USH2A: variants seen among roughly 807,000 people sequenced by gnomAD.
USH2A encodes the protein usherin, also known as Usher syndrome 2A (autosomal recessive, mild).
A neutral mutation model predicts 538.9 loss-of-function variants in USH2A; 443 were observed. The ratio of observed to expected loss-of-function variants is 0.82; its 90% CI spans 0.76 to 0.89. USH2A has a LOEUF of 0.89. Ranked by LOEUF, USH2A falls within the 40% of genes least tolerant of loss-of-function variation. The probability of loss-of-function intolerance (pLI) is 0.00; values close to 1 mark genes in which losing one functional copy is unlikely to be tolerated. For missense variants in USH2A, 6,633 were observed against 6,324.8 expected, an observed-to-expected ratio of 1.05 and a Z score of -1.65; for synonymous variants, 2,413 against 2,273.5, an observed-to-expected ratio of 1.06 and a Z score of -1.75.
In USH2A at chr1:215,728,196, T is replaced by C; in HGVS notation, c.11900A>G (p.Asp3967Gly). The C allele has an allele frequency of 6.2e-7, 1 of 1,613,954 alleles. No individual in the cohort carries two copies. The highest frequency in any genetic ancestry group is 8.5e-7 in the Non-Finnish European group (1 of 1,180,002). Reference protein sequence around the residue: ...LTQTLEAPPQDFPAPWAQATS... With the variant: ...LTQTLEAPPQGFPAPWAQATS... ...GGCTTGAGCCCAAGGAGCTGGAAAA[T>C]CTTGAGGTGGAGCTTCCAGAGTTTG... The change falls in exon 61 of 72, where the codon GAT becomes GGT. Residue 3967 changes from aspartate (D) to glycine (G), a missense_variant. Coordinates refer to ENST00000307340, the MANE Select transcript of USH2A (RefSeq NM_206933.4).
rs1324165246 is a variant in USH2A at position 216,392,843 on chromosome 1, A to T, written c.651+25671T>A. On this transcript the variant is annotated intron_variant, in intron 3 of 71. Transcript: ENST00000307340. ...ATTTTCTAAATATTTGAAAATGTTG[A>T]TTCAAAACCTTTTACGATTTTTTAA... 2.0e-5 allele frequency among the ~76,000 whole-genome samples: 3 copies of T among 152,288 alleles called. No homozygotes were observed. The East Asian group carries it at 5.8e-4, about 29-fold the overall frequency.
At chr1:216,233,942 G>C (rs1377483309) in intron 13 of USH2A, among the ~76,000 whole-genome samples, 3 of 152,094 alleles carry the variant, frequency 2.0e-5, no homozygotes, top group African/African-American at 7.2e-5. Flanking sequence ...GCAAAATGCT[G>C]CAAAGAATTT....
At chr1:216,141,280 G>C (rs560691045) in intron 21 of USH2A, among the ~76,000 whole-genome samples, 1 of 152,296 alleles carries the variant, frequency 6.6e-6, no homozygotes, top group East Asian at 1.9e-4. Context: ...TGCACAGGGG[G>C]CCATTAAGCT....
intron 4 of USH2A, among the ~76,000 whole-genome samples, chr1:216,329,091 A>G (rs2037795972): frequency 6.6e-6 from 1 of 151,914 alleles, no homozygotes. Flanking sequence ...GAGTTTCTCT[A>G]CTCTATCTAT....
chr1:215,888,636 G>T lies in USH2A; in HGVS notation c.8013C>A (p.Thr2671=). 1 of 1,614,138 alleles carries T rather than the reference G, an allele frequency of 6.2e-7. No individual in the cohort carries two copies. Among genetic ancestry groups the T allele is most frequent in the Non-Finnish European group, 8.5e-7 (1 of 1,180,004 alleles). Residue 2671 remains threonine (T), a synonymous_variant, in exon 41 of 72, where the codon ACC becomes ACA. Coordinates refer to ENST00000307340, the MANE Select transcript of USH2A (RefSeq NM_206933.4). ...RRVKGKEEVT[T]LVTLPRSHSM... Reference sequence around the variant, plus strand: ...AATGACTCCTCGGGAGAGTCACCAGGGTAGTAACTTCTTCCTTTCCTTTGA... The same window carrying T: ...AATGACTCCTCGGGAGAGTCACCAGTGTAGTAACTTCTTCCTTTCCTTTGA...
At chr1:216,007,986 C>T (rs1571883555) in intron 32 of USH2A, among the ~76,000 whole-genome samples, 1 of 152,182 alleles carries the variant, frequency 6.6e-6, no homozygotes, top group Non-Finnish European at 1.5e-5. Flanking sequence ...TCAACCAGCA[C>T]CTCACCTATG....
chr1:215,986,314 T>C (rs958509218), intron 35 of USH2A, among the ~76,000 whole-genome samples: 2 of 102,454 alleles, frequency 2.0e-5, no homozygotes, highest in African/African-American at 9.9e-5. Flanking sequence ...CTTTTTCTTT[T>C]TTTTTTTTTT....
intron 21 of USH2A, among the ~76,000 whole-genome samples, chr1:216,173,072 G>C (rs958266098): frequency 2.2e-4 from 34 of 152,154 alleles, no homozygotes; most frequent in African/African-American, 7.5e-4. Context: ...TAGGGTTGCA[G>C]AGGGATTAAA....
At chr1:216,336,978 G>A (rs1012176127) in intron 4 of USH2A, among the ~76,000 whole-genome samples, 2 of 151,368 alleles carry the variant, frequency 1.3e-5, no homozygotes, top group Non-Finnish European at 3.0e-5. Context: ...ATTTCCTTAG[G>A]AACAAGGTAG....
chr1:215,627,682 C>T (rs917671624), intron 71 of USH2A, among the ~76,000 whole-genome samples: 6 of 152,106 alleles, frequency 3.9e-5, no homozygotes, highest in Admixed American at 1.3e-4. Flanking sequence ...CGCACCACCG[C>T]GCCCAGCTAA....
At chr1:216,198,672 G>T in intron 17 of USH2A, 88 bp from the exon 18 acceptor site, 1 of 1,186,778 alleles carries the variant, frequency 8.4e-7, no homozygotes, top group Non-Finnish European at 1.2e-6. Flanking sequence ...GTTAAAGAGT[G>T]CTGGATATTC....
At chr1:215,761,076 A>C (rs1172224114) in intron 56 of USH2A, among the ~76,000 whole-genome samples, 2 of 152,198 alleles carry the variant, frequency 1.3e-5, no homozygotes, top group Non-Finnish European at 2.9e-5. Flanking sequence ...AGCTGTGGCC[A>C]TACCAGATTC....
intron 38 of USH2A, among the ~76,000 whole-genome samples, chr1:215,925,647 T>C (rs1018528674): frequency 3.9e-5 from 6 of 152,164 alleles, no homozygotes; most frequent in African/African-American, 1.2e-4. Flanking sequence ...TTCTACCCTC[T>C]GAATAAGGGA....
intron 20 of USH2A, among the ~76,000 whole-genome samples, chr1:216,189,207 A>G (rs888073757): frequency 6.6e-6 from 1 of 151,940 alleles, no homozygotes; most frequent in Non-Finnish European, 1.5e-5. Context: ...ATTAATGAAA[A>G]TTTTGAAAAA....
chr1:216,129,849 TA>T (rs1206871256), intron 21 of USH2A, among the ~76,000 whole-genome samples: 1 of 151,932 alleles, frequency 6.6e-6, no homozygotes, highest in Non-Finnish European at 1.5e-5. Context: ...GGTACTGGCA[TA>T]AAAACAGACA....
At chr1:215,957,200 T>TTTTTATATTAATAC (rs1667089506) in intron 37 of USH2A, among the ~76,000 whole-genome samples, 2 of 152,324 alleles carry the variant, frequency 1.3e-5, no homozygotes, top group African/African-American at 4.8e-5. Flanking sequence ...TTCCCAATGT[T>TTTTTATATTAATAC]TTTTATATTA....
intron 49 of USH2A, among the ~76,000 whole-genome samples, chr1:215,807,804 G>T (rs1662545314): frequency 6.6e-6 from 1 of 151,980 alleles, no homozygotes; most frequent in Non-Finnish European, 1.5e-5. Context: ...CCTTGCTCTG[G>T]AAAGATTCAT....
intron 47 of USH2A, among the ~76,000 whole-genome samples, chr1:215,833,270 G>A (rs929997897): frequency 1.6e-4 from 24 of 151,892 alleles, no homozygotes; most frequent in African/African-American, 5.8e-4. Flanking sequence ...GGTCAAAGTT[G>A]GAGGACTCAT....
chr1:216,140,829 G>A (rs2033587790), intron 21 of USH2A, among the ~76,000 whole-genome samples: 1 of 152,214 alleles, frequency 6.6e-6, no homozygotes, highest in South Asian at 2.1e-4. Context: ...GCCTCAGGAA[G>A]AGGCACAGGC....
Sources: allele counts gnomAD v4.1 joint callset (sites outside exome capture counted in the v4.1 genomes callset), GRCh38; gene constraint gnomAD v4.1.1; transcripts MANE v1.5; gene names NCBI Gene and HGNC (gene_info 2026-07-23, HGNC 2026-07-21).